Variants in TUBGCP3 observed in about 807,000 individuals in gnomAD.
The protein encoded by TUBGCP3 is tubulin gamma complex component 3.
In TUBGCP3, 50 loss-of-function variants were observed where a neutral mutation model predicts 123.1. The observed-to-expected ratio is 0.41, with a 90% CI of 0.32 to 0.51. The LOEUF (loss-of-function observed/expected upper bound fraction) is 0.51, where lower values mean the gene tolerates loss of function less well. Among genes scored for constraint, TUBGCP3 ranks in the 20% least tolerant of loss-of-function variants. The probability of loss-of-function intolerance (pLI) is 0.36; values close to 1 mark genes in which losing one functional copy is unlikely to be tolerated. For synonymous variants in TUBGCP3, 405 were observed against 413.9 expected (o/e 0.98, Z 0.26); for missense variants, 882 against 1,127.0 (o/e 0.78, Z 3.11).
At chr13:112,552,861 T>G (rs958151120) in intron 8 of TUBGCP3, among the ~76,000 whole-genome samples, 2 of 134,732 alleles carry the variant, frequency 1.5e-5, no homozygotes, top group Non-Finnish European at 3.1e-5. Flanking sequence ...GCCACGCTCC[T>G]CCCCACCAGC....
At chr13:112,555,104 C>T (rs758378595) in intron 6 of TUBGCP3, 99 bp from the exon 7 acceptor site, 325 of 707,052 alleles carry the variant, frequency 4.6e-4, no homozygotes, top group Non-Finnish European at 7.0e-4. Context: ...ATTTGCCACC[C>T]CGATGAAATT....
intron 19 of TUBGCP3, 95 bp downstream of exon 19, chr13:112,503,937 A>T: frequency 7.0e-7 from 1 of 1,430,340 alleles, no homozygotes. Flanking sequence ...ATGTGGCTGC[A>T]TCAGGGCATT....
intron 8 of TUBGCP3, among the ~76,000 whole-genome samples, chr13:112,552,638 T>C (rs1879675598): frequency 6.6e-6 from 1 of 152,312 alleles, no homozygotes; most frequent in South Asian, 2.1e-4. Flanking sequence ...GAAGATAACC[T>C]GGGCAAGATG....
At chr13:112,527,136 G>T in intron 12 of TUBGCP3, 86 bp from the exon 13 acceptor site, 1 of 1,193,618 alleles carries the variant, frequency 8.4e-7, no homozygotes, top group Non-Finnish European at 1.2e-6. Context: ...CTACAAATTG[G>T]CTATTGATTG....
chr13:112,491,947 T>C (rs917060385), intron 20 of TUBGCP3, among the ~76,000 whole-genome samples: 4 of 152,254 alleles, frequency 2.6e-5, no homozygotes, highest in Admixed American at 6.5e-5. Flanking sequence ...ATTGATGTGA[T>C]GTACATCTGC....
chr13:112,554,697 AG>A (rs1879879388), intron 7 of TUBGCP3, among the ~76,000 whole-genome samples, 189 bp downstream of exon 7: 1 of 152,142 alleles, frequency 6.6e-6, no homozygotes, highest in Admixed American at 6.5e-5. Flanking sequence ...TTAATCACAA[AG>A]GGTCCCCATA....
upstream of TUBGCP3, among the ~76,000 whole-genome samples, chr13:112,590,268 G>A (rs940929061): frequency 5.3e-5 from 8 of 152,068 alleles, no homozygotes; most frequent in African/African-American, 1.4e-4. Flanking sequence ...GAGCCACCGC[G>A]CCCGGTCCAG....
At chr13:112,565,572 G>A (rs191842394) in intron 2 of TUBGCP3, among the ~76,000 whole-genome samples, 7 of 152,350 alleles carry the variant, frequency 4.6e-5, no homozygotes, top group African/African-American at 1.4e-4. Flanking sequence ...TCCAAGGGCA[G>A]TAAGTTAAGT....
At position 112,519,356 on chromosome 13, in the gene TUBGCP3, A is replaced by G. The variant is rs1876423863; in HGVS notation, c.1882-313T>C. 6.6e-6 allele frequency among the ~76,000 whole-genome samples: 1 copy of G among 152,232 alleles called. No individual in the cohort carries two copies. The highest frequency in any genetic ancestry group is 1.5e-5 in the Non-Finnish European group (1 of 68,042). On this transcript the variant is annotated intron_variant, in intron 15 of 21. Transcript: ENST00000261965. This position sits in a 1 kb window ranked among gnomAD's most constrained non-coding sequence, Gnocchi z 6.2. ...AATATGTTCCAAATCTTTTTATTCC[A>G]AGATGACTCTTGCAATATTTTAAGA...
At chr13:112,597,996 G>A in the TUBGCP3 span, among the ~76,000 whole-genome samples, 198 of 152,238 alleles carry the variant, frequency 1.3e-3, no homozygotes, top group Admixed American at 4.0e-3. Context: ...AAGCCATGCC[G>A]AGGCAAATGT....
chr13:112,578,057 G>T (rs1460276270), intron 1 of TUBGCP3, among the ~76,000 whole-genome samples: 1 of 152,106 alleles, frequency 6.6e-6, no homozygotes, highest in African/African-American at 2.4e-5. Context: ...ACATGTCCGG[G>T]GTCCAGGGTC....
chr13:112,586,770 T>C (rs1882638015), intron 1 of TUBGCP3, among the ~76,000 whole-genome samples: 1 of 152,150 alleles, frequency 6.6e-6, no homozygotes, highest in African/African-American at 2.4e-5. Flanking sequence ...TGCATCTGCA[T>C]CACCAGCACT....
chr13:112,497,594 C>T (rs373205528), intron 20 of TUBGCP3, among the ~76,000 whole-genome samples: 18 of 152,314 alleles, frequency 1.2e-4, no homozygotes, highest in African/African-American at 3.8e-4. Context: ...AAGACAGACA[C>T]ATGCTGAGAA....
the TUBGCP3 span, among the ~76,000 whole-genome samples, chr13:112,596,268 A>G: frequency 6.6e-6 from 1 of 152,094 alleles, no homozygotes; most frequent in East Asian, 1.9e-4. Flanking sequence ...TTCATTTCCT[A>G]TTTCAAGAAC....
At chr13:112,588,334 A>G (rs989684941), upstream of TUBGCP3, among the ~76,000 whole-genome samples, 2 of 152,142 alleles carry the variant, frequency 1.3e-5, no homozygotes, top group Non-Finnish European at 2.9e-5. Context: ...CGGAGTCGCG[A>G]GCGTGACGGG....
At chr13:112,548,225 T>TC (rs748408294) in intron 8 of TUBGCP3, 49 bp from the exon 9 acceptor site, 1 of 1,450,116 alleles carries the variant, frequency 6.9e-7, no homozygotes, top group Non-Finnish European at 9.5e-7. Context: ...CATTACACAT[T>TC]GACTGATTTT....
intron 2 of TUBGCP3, among the ~76,000 whole-genome samples, chr13:112,568,213 T>A (rs751656976): frequency 2.6e-5 from 4 of 151,416 alleles, no homozygotes; most frequent in Non-Finnish European, 4.4e-5. Context: ...GAAGGTGTTA[T>A]CACTAAGACC....
intron 17 of TUBGCP3, among the ~76,000 whole-genome samples, chr13:112,506,949 G>A (rs997337391): frequency 6.6e-6 from 1 of 152,168 alleles, no homozygotes; most frequent in Non-Finnish European, 1.5e-5. Flanking sequence ...TGAAGTCACT[G>A]GACTGTAATG....
At chr13:112,544,177 G>GAT (rs1878760398) in intron 11 of TUBGCP3, among the ~76,000 whole-genome samples, 1 of 152,320 alleles carries the variant, frequency 6.6e-6, no homozygotes, top group African/African-American at 2.4e-5. Context: ...CCACAGGCCG[G>GAT]GCGCAGTGGC....
Sources: gnomAD v4.1 joint callset for allele counts (sites outside exome capture counted in the v4.1 genomes callset) on GRCh38, gnomAD v4.1.1 for gene constraint, Gnocchi (gnomAD v3.1) non-coding constraint, MANE v1.5 for transcripts, NCBI Gene and HGNC (gene_info 2026-07-23, HGNC 2026-07-21) for gene names.